Variants in ABHD6 observed in about 807,000 individuals in gnomAD.
ABHD6 encodes the protein monoacylglycerol lipase ABHD6.
ABHD6 carries 33 observed loss-of-function variants against 38.8 expected under a neutral mutation model. The observed-to-expected ratio is 0.85, with a 90% confidence interval of 0.64 to 1.14. The LOEUF (loss-of-function observed/expected upper bound fraction) is 1.14. Among genes scored for constraint, ABHD6 ranks in the 50% most tolerant of loss-of-function variants. The pLI, the probability that ABHD6 is intolerant of heterozygous loss-of-function variation, is 0.00. For missense variants in ABHD6, 380 were observed against 422.6 expected (o/e 0.90, Z 0.88); for synonymous variants, 147 against 161.6 (o/e 0.91, Z 0.69).
Position 58,238,667 on chromosome 3 carries a change from A to G in ABHD6, c.-91+751A>G. 6.5e-6 allele frequency: 1 copy of G among 153,904 alleles called. No homozygotes were observed. Among genetic ancestry groups the G allele is most frequent in the Non-Finnish European group, 1.4e-5 (1 of 69,426 alleles). The allele number at this position is 153,904 out of a possible 1,614,324, so 9.5% of individuals were successfully genotyped here. Reference sequence around the variant, plus strand: ...CAGGTGACAGAGTGAGGCATGGGGGAGTGGGGGAAGAGGAGGATGCCAGAG... The same window carrying G: ...CAGGTGACAGAGTGAGGCATGGGGGGGTGGGGGAAGAGGAGGATGCCAGAG... On this transcript the variant is annotated intron_variant, in intron 1 of 9. Coordinates refer to ENST00000478253, the MANE Select transcript of ABHD6 (RefSeq NM_001320126.2). This position sits in a 1 kb window ranked among gnomAD's most constrained non-coding sequence, Gnocchi z 6.9.
intron 1 of ABHD6, among the ~76,000 whole-genome samples, chr3:58,239,348 G>A (rs2107406486): frequency 6.6e-6 from 1 of 152,246 alleles, no homozygotes; most frequent in South Asian, 2.1e-4. Flanking sequence ...ACAGGGCCCA[G>A]CATGTTTTAA....
At position 58,285,417 on chromosome 3, in the gene ABHD6, G is replaced by A; in HGVS notation, c.801G>A (p.Lys267=). The A allele has an allele frequency of 1.2e-6, 2 of 1,614,138 alleles. No individual in the cohort carries two copies. The highest frequency in any genetic ancestry group is 2.2e-5 in the East Asian group (1 of 44,886). Residue 267 remains lysine, a synonymous_variant, in exon 9 of 10, where the codon AAG becomes AAA. Transcript: ENST00000478253. The surrounding 1 kb of genome is among the most constrained non-coding windows in gnomAD (Gnocchi z 4.9). The part of the protein sequence containing the change: ...YSLHQNMDKI[K]VPTQIIWGKQ... Reference sequence around the variant, plus strand: ...TCCATCAGAACATGGACAAGATCAAGGTTCCGACGCAGATCATCTGGGGGA... The same window carrying A: ...TCCATCAGAACATGGACAAGATCAAAGTTCCGACGCAGATCATCTGGGGGA...
intron 6 of ABHD6, among the ~76,000 whole-genome samples, chr3:58,274,078 T>C (rs1428489634): frequency 6.6e-6 from 1 of 152,058 alleles, no homozygotes; most frequent in Non-Finnish European, 1.5e-5. Flanking sequence ...AGAGCAACTG[T>C]GGAGAAGGCA....
intron 9 of ABHD6, among the ~76,000 whole-genome samples, chr3:58,290,160 G>A (rs1409059483): frequency 2.7e-5 from 3 of 111,354 alleles, no homozygotes; most frequent in Admixed American, 1.6e-4. Flanking sequence ...GGCTGGCCGG[G>A]CGGGGGGCTG....
At position 58,271,766 on chromosome 3, in the gene ABHD6, GTTTTTTTT is replaced by G. The variant is rs3038091; in HGVS notation, c.523+719_523+726del. On this transcript the variant is annotated intron_variant, in intron 6 of 9. Coordinates refer to ENST00000478253, the MANE Select transcript of ABHD6 (RefSeq NM_001320126.2). ...CTCTCCTCTATCTCCCCCTCTCTCT[GTTTTTTTT>G]TTTTTTTTTTTTTTTTGAGACAGTC... 3.5e-4 allele frequency among the ~76,000 whole-genome samples: 22 copies of G among 63,632 alleles called. 1 individual carries two copies. Among genetic ancestry groups the G allele is most frequent in the South Asian group, 1.7e-3 (2 of 1,210 alleles). 41.7% of individuals were successfully genotyped at this position (63,632 alleles called of 152,430 possible).
chr3:58,264,387 G>GCGCGCACACACACACACA (rs1394136993), intron 3 of ABHD6, among the ~76,000 whole-genome samples: 1 of 132,214 alleles, frequency 7.6e-6, no homozygotes, highest in African/African-American at 2.9e-5. Flanking sequence ...TTATATAAAC[G>GCGCGCACACACACACACA]CACACACACA....
intron 7 of ABHD6, among the ~76,000 whole-genome samples, chr3:58,276,331 T>C (rs1210099573): frequency 6.6e-6 from 1 of 152,130 alleles, no homozygotes; most frequent in Non-Finnish European, 1.5e-5. Flanking sequence ...GATGGTATCT[T>C]ATTGTGGTTT....
intron 1 of ABHD6, among the ~76,000 whole-genome samples, chr3:58,242,052 T>TAAG (rs2097423217): frequency 6.6e-6 from 1 of 152,104 alleles, no homozygotes; most frequent in African/African-American, 2.4e-5. Flanking sequence ...CTTTAATAGC[T>TAAG]AAGACTTTTA....
At chr3:58,292,525 T>C (rs980406496) in intron 9 of ABHD6, among the ~76,000 whole-genome samples, 2 of 152,232 alleles carry the variant, frequency 1.3e-5, no homozygotes, top group African/African-American at 2.4e-5. Context: ...GGATCAGCCC[T>C]GGAAAAGTTC....
At chr3:58,245,505 AC>A (rs1172987642) in intron 1 of ABHD6, among the ~76,000 whole-genome samples, 1 of 151,720 alleles carries the variant, frequency 6.6e-6, no homozygotes, top group East Asian at 2.0e-4. Flanking sequence ...CAGGCTGAGC[AC>A]AGTGGCTCAT....
At position 58,269,376 on chromosome 3, in the gene ABHD6, C is replaced by G; in HGVS notation, c.332C>G (p.Thr111Ser). ...GTGGACATGCCAGGACATGAGGGCA[C>G]CACCCGCTCCTCCCTGGATGACCTG... The part of the protein sequence containing the change: ...VCVDMPGHEG[T>S]TRSSLDDLSI... The change falls in exon 5 of 10, where the codon ACC becomes AGC. Residue 111 changes from threonine (T) to serine (S), a missense_variant. Physicochemically the swap from Thr to Ser is moderately conservative, Grantham distance 58 (BLOSUM62 1). Transcript: ENST00000478253. The surrounding 1 kb of genome is among the most constrained non-coding windows in gnomAD (Gnocchi z 4.4). 1 of 1,613,948 alleles carries G rather than the reference C, an allele frequency of 6.2e-7. No individual in the cohort carries two copies. Among genetic ancestry groups the G allele is most frequent in the Non-Finnish European group, 8.5e-7 (1 of 1,179,892 alleles).
intron 2 of ABHD6, among the ~76,000 whole-genome samples, chr3:58,255,566 C>G (rs1275225750): frequency 1.3e-5 from 2 of 151,608 alleles, no homozygotes; most frequent in Non-Finnish European, 2.9e-5. Flanking sequence ...CTCAAGTGAT[C>G]CTCCCACCTT....
chr3:58,268,459 T>C (rs979104553), intron 4 of ABHD6, among the ~76,000 whole-genome samples: 3 of 152,170 alleles, frequency 2.0e-5, no homozygotes, highest in Admixed American at 1.3e-4. Context: ...TTTACTTGGG[T>C]GTGGCAACTT....
chr3:58,277,130 GT>G (rs1183992487), intron 7 of ABHD6, among the ~76,000 whole-genome samples: 3 of 152,052 alleles, frequency 2.0e-5, no homozygotes, highest in African/African-American at 7.2e-5. Flanking sequence ...CTTTAAAGTA[GT>G]TTTTTTCCAA....
At chr3:58,243,120 A>C (rs1409516324) in intron 1 of ABHD6, among the ~76,000 whole-genome samples, 2 of 152,264 alleles carry the variant, frequency 1.3e-5, no homozygotes, top group African/African-American at 2.4e-5. Context: ...CCAGTCTATC[A>C]TTGATGGACG....
At chr3:58,248,708 A>C (rs1348742049) in intron 1 of ABHD6, among the ~76,000 whole-genome samples, 2 of 152,228 alleles carry the variant, frequency 1.3e-5, no homozygotes, top group Admixed American at 6.5e-5. Context: ...CAAAGAAAAA[A>C]AAAGAGAGAG....
At chr3:58,260,228 G>A (rs1012102867) in intron 3 of ABHD6, among the ~76,000 whole-genome samples, 1 of 152,154 alleles carries the variant, frequency 6.6e-6, no homozygotes, top group African/African-American at 2.4e-5. Context: ...CTCTTTAATT[G>A]GCAGTATGGA....
At chr3:58,286,442 C>T (rs750827601) in intron 9 of ABHD6, among the ~76,000 whole-genome samples, 1 of 152,088 alleles carries the variant, frequency 6.6e-6, no homozygotes, top group African/African-American at 2.4e-5. Flanking sequence ...AAGCATGAGC[C>T]AACATGCTTG....
At chr3:58,276,186 G>A (rs1386469480) in intron 7 of ABHD6, among the ~76,000 whole-genome samples, 4 of 152,114 alleles carry the variant, frequency 2.6e-5, no homozygotes, top group Non-Finnish European at 5.9e-5. Flanking sequence ...TTGAGGAATC[G>A]CCACACTGTC....
Sources: allele counts gnomAD v4.1 joint callset (sites outside exome capture counted in the v4.1 genomes callset), GRCh38; gene constraint gnomAD v4.1.1; non-coding constraint Gnocchi (gnomAD v3.1); transcripts MANE v1.5; gene names NCBI Gene and HGNC (gene_info 2026-07-23, HGNC 2026-07-21).